CHRM3: variants seen among roughly 807,000 people sequenced by gnomAD.
The protein encoded by CHRM3 is cholinergic receptor muscarinic 3.
In CHRM3, 11 loss-of-function variants were observed where a neutral mutation model predicts 41.8. The observed-to-expected ratio is 0.26, with a 90% CI of 0.17 to 0.44. CHRM3 has a LOEUF of 0.44. Among genes scored for constraint, CHRM3 ranks in the 20% least tolerant of loss-of-function variants. The pLI is 1.00. For synonymous variants in CHRM3, 297 were observed against 301.4 expected (o/e 0.99, Z 0.15); for missense variants, 571 against 745.4 (o/e 0.77, Z 2.72).
At chr1:239,572,517 C>T (rs553286326) in intron 3 of CHRM3, among the ~76,000 whole-genome samples, 5 of 152,194 alleles carry the variant, frequency 3.3e-5, no homozygotes, top group East Asian at 1.9e-4. Flanking sequence ...ACATCTTTTC[C>T]GGCTAATGTC....
chr1:239,668,314 C>A (rs962291491), intron 4 of CHRM3, among the ~76,000 whole-genome samples: 1 of 151,866 alleles, frequency 6.6e-6, no homozygotes, highest in Admixed American at 6.6e-5. Context: ...GTCTCGAATT[C>A]CTGACCTGAA....
chr1:239,449,522 T>C (rs1192380024), intron 1 of CHRM3, among the ~76,000 whole-genome samples: 3 of 152,188 alleles, frequency 2.0e-5, no homozygotes, highest in Non-Finnish European at 4.4e-5. Context: ...AATGATTTTT[T>C]ATACTCTATT....
At chr1:239,828,378 A>T (rs115380049) in intron 6 of CHRM3, among the ~76,000 whole-genome samples, 678 of 152,240 alleles carry the variant, frequency 4.5e-3, no homozygotes, top group African/African-American at 0.015. Flanking sequence ...ACATACATAG[A>T]TACACACACA....
chr1:239,760,062 C>T (rs1215998781), intron 5 of CHRM3, among the ~76,000 whole-genome samples: 1 of 149,630 alleles, frequency 6.7e-6, no homozygotes, highest in Admixed American at 6.7e-5. Context: ...CTACAGGCAC[C>T]CGCCACCACA....
At chr1:239,458,902 G>T (rs1665157569) in intron 1 of CHRM3, among the ~76,000 whole-genome samples, 1 of 152,056 alleles carries the variant, frequency 6.6e-6, no homozygotes, top group Admixed American at 6.6e-5. Context: ...CCCCCATCAG[G>T]GTGGAACTCT....
In CHRM3 at chr1:239,749,561, A is replaced by G. The variant is rs1378751100; in HGVS notation, c.-147+71273A>G. Among the ~76,000 whole-genome samples, 3 of 152,142 alleles carry G rather than the reference A, an allele frequency of 2.0e-5. No individual in the cohort carries two copies. In the East Asian group the frequency reaches 5.8e-4, roughly 29 times the overall value. ...CACGTGCCTGTAATCACAGCTGCAC[A>G]GGAGGCTGAGGCAGGAAAATCACTT... On this transcript the variant is annotated intron_variant, in intron 5 of 6. Transcript: ENST00000676153.
At chr1:239,532,082 G>A (rs1425552958) in intron 2 of CHRM3, among the ~76,000 whole-genome samples, 1 of 125,120 alleles carries the variant, frequency 8.0e-6, no homozygotes, top group Non-Finnish European at 1.6e-5. Flanking sequence ...GCGCGATCTC[G>A]GCTCACTGCA....
At chr1:239,407,602 T>C (rs2103024313) in intron 1 of CHRM3, among the ~76,000 whole-genome samples, 1 of 152,192 alleles carries the variant, frequency 6.6e-6, no homozygotes, top group East Asian at 1.9e-4. Flanking sequence ...GCTTTTTCTT[T>C]TGCATATTTA....
At chr1:239,718,059 T>G (rs1178700488) in intron 5 of CHRM3, among the ~76,000 whole-genome samples, 1 of 151,916 alleles carries the variant, frequency 6.6e-6, no homozygotes, top group Admixed American at 6.6e-5. Context: ...CATGTTACCG[T>G]TTCAAAAAAT....
chr1:239,518,412 T>C (rs1036896602), intron 2 of CHRM3, among the ~76,000 whole-genome samples: 2 of 152,200 alleles, frequency 1.3e-5, no homozygotes, highest in African/African-American at 2.4e-5. Context: ...ATGCATATTA[T>C]AAGTAGGAGG....
chr1:239,739,251 G>A (rs1392409697), intron 5 of CHRM3, among the ~76,000 whole-genome samples: 1 of 152,214 alleles, frequency 6.6e-6, no homozygotes, highest in Non-Finnish European at 1.5e-5. Flanking sequence ...CATTTCAGAA[G>A]CACTTGAAAA....
chr1:239,402,942 CTT>C (rs1660102778), intron 1 of CHRM3, among the ~76,000 whole-genome samples: 1 of 151,990 alleles, frequency 6.6e-6, no homozygotes, highest in Non-Finnish European at 1.5e-5. Context: ...CTTTTTGGAA[CTT>C]TGTGGATTTT....
chr1:239,683,085 C>T (rs1473341814), intron 5 of CHRM3, among the ~76,000 whole-genome samples: 1 of 152,042 alleles, frequency 6.6e-6, no homozygotes, highest in Non-Finnish European at 1.5e-5. Context: ...AGACTCATTC[C>T]CCCTTTTTAA....
intron 1 of CHRM3, among the ~76,000 whole-genome samples, chr1:239,401,797 T>C (rs1353628489): frequency 6.6e-6 from 1 of 152,116 alleles, no homozygotes; most frequent in Non-Finnish European, 1.5e-5. Flanking sequence ...CCGGCAGACT[T>C]TGAGGGGATT....
rs969234726 is a variant in CHRM3 at position 239,804,834 on chromosome 1, T to C, written c.-146-22418T>C. The stretch of plus-strand genomic sequence containing the variant: ...TGTGTCATTTTGCACTCATATATTT[T>C]CCCCTTAATCTGTCTCTGTCCGGCT... On this transcript the variant is annotated intron_variant, in intron 5 of 6. Coordinates refer to ENST00000676153, the MANE Select transcript of CHRM3 (RefSeq NM_001375978.1). Among the ~76,000 whole-genome samples, 4 of 152,194 alleles carry C rather than the reference T, an allele frequency of 2.6e-5. No homozygotes were observed. In the South Asian group the frequency reaches 8.3e-4, roughly 32 times the overall value.
In CHRM3 at chr1:239,907,790, C is replaced by T. The variant is rs368134329; in HGVS notation, c.339C>T (p.Ala113=). The stretch of plus-strand genomic sequence containing the variant: ...ACTTCCTCTTAAGCCTGGCCTGTGC[C>T]GATCTGATTATCGGGGTCATTTCAA... ...NNYFLLSLAC[A]DLIIGVISMN... is the part of the protein sequence containing the mutation. The change falls in exon 7 of 7, where the codon GCC becomes GCT. Residue 113 remains alanine, a synonymous_variant. Coordinates refer to ENST00000676153, the MANE Select transcript of CHRM3 (RefSeq NM_001375978.1). The surrounding 1 kb of genome is among the most constrained non-coding windows in gnomAD (Gnocchi z 5.4). The T allele has an allele frequency of 8.7e-6, 14 of 1,614,056 alleles. No individual in the cohort carries two copies. The highest frequency in any genetic ancestry group is 8.0e-5 in the African/African-American group (6 of 74,910).
chr1:239,524,973 G>A lies in CHRM3; in HGVS notation c.-421-20668G>A, dbSNP rs1255788950. 3.3e-5 allele frequency among the ~76,000 whole-genome samples: 5 copies of A among 152,232 alleles called. No homozygotes were observed. In the East Asian group the frequency reaches 7.7e-4, roughly 23 times the overall value. On this transcript the variant is annotated intron_variant, in intron 2 of 6. Transcript: ENST00000676153. ...TTTAAAAGTAAAAGAATAAATTCAA[G>A]CATTCCAATCTGTTAAAATATCCTT...
chr1:239,562,920 T>C (rs1428367767), intron 3 of CHRM3, among the ~76,000 whole-genome samples: 1 of 150,404 alleles, frequency 6.6e-6, no homozygotes, highest in Non-Finnish European at 1.5e-5. Context: ...GTGTTATTCA[T>C]TTTAGACAGG....
At chr1:239,630,974 T>A (rs1340807733) in intron 3 of CHRM3, among the ~76,000 whole-genome samples, 1 of 151,998 alleles carries the variant, frequency 6.6e-6, no homozygotes, top group Non-Finnish European at 1.5e-5. Context: ...TTGCCCTCCC[T>A]TGTTGAAAGT....
Sources: gnomAD v4.1 joint callset for allele counts (sites outside exome capture counted in the v4.1 genomes callset) on GRCh38, gnomAD v4.1.1 for gene constraint, Gnocchi (gnomAD v3.1) non-coding constraint, MANE v1.5 for transcripts, NCBI Gene and HGNC (gene_info 2026-07-23, HGNC 2026-07-21) for gene names.